Variants in SLC39A8 observed in about 807,000 individuals in gnomAD.
The protein encoded by SLC39A8 is solute carrier family 39 member 8, also known as metal cation symporter ZIP8.
Under a neutral mutation model 40.4 loss-of-function variants are expected in SLC39A8, and 15 were observed. The ratio of observed to expected loss-of-function variants is 0.37; its 90% CI spans 0.25 to 0.57. The LOEUF is 0.57. SLC39A8 is among the 20% of genes least tolerant of loss of function. The probability of loss-of-function intolerance (pLI) is 0.75; values close to 1 mark genes in which losing one functional copy is unlikely to be tolerated. For missense variants in SLC39A8, 472 were observed against 558.8 expected, an observed-to-expected ratio of 0.84 and a Z score of 1.57; for synonymous variants, 223 against 221.6, an observed-to-expected ratio of 1.01 and a Z score of -0.06.
downstream of SLC39A8, chr4:102,259,450 C>T (rs926420513): frequency 1.3e-6 from 2 of 1,536,482 alleles, no homozygotes; most frequent in Non-Finnish European, 1.8e-6. Context: ...CCTTGTTATT[C>T]TTACCGTATA....
In SLC39A8 at chr4:102,267,538, TATA is replaced by T; in HGVS notation, c.1182_1184del (p.Ile395del). On this transcript the variant is annotated inframe_deletion, in exon 8 of 9. Transcript: ENST00000356736. ...GGAACATGCCTCCAGCAAGTGCAAA[TATA>T]ATATTTGGAGCGAAATTGTTGCCCA... 1 of 1,613,790 alleles carries T rather than the reference TATA, an allele frequency of 6.2e-7. No individual in the cohort carries two copies. The highest frequency in any genetic ancestry group is 8.5e-7 in the Non-Finnish European group (1 of 1,179,912).
intron 8 of SLC39A8, among the ~76,000 whole-genome samples, chr4:102,263,529 G>T (rs2149001750): frequency 6.6e-6 from 1 of 152,326 alleles, no homozygotes; most frequent in African/African-American, 2.4e-5. Context: ...GTGGAGTCTT[G>T]ATTCCATCTT....
At chr4:102,276,994 T>C (rs910054098) in intron 6 of SLC39A8, among the ~76,000 whole-genome samples, 8 of 152,140 alleles carry the variant, frequency 5.3e-5, no homozygotes, top group African/African-American at 1.9e-4. Flanking sequence ...TATCTCACAA[T>C]AATAAGAACT....
chr4:102,315,304 G>C (rs538087767), intron 3 of SLC39A8, among the ~76,000 whole-genome samples: 11 of 152,070 alleles, frequency 7.2e-5, no homozygotes, highest in South Asian at 4.1e-4. Context: ...AAACTGACAA[G>C]CTTTAAAATA....
intron 4 of SLC39A8, 82 bp from the exon 5 acceptor site, chr4:102,305,193 C>T: frequency 1.4e-6 from 2 of 1,379,638 alleles, no homozygotes; most frequent in Non-Finnish European, 2.0e-6. Flanking sequence ...ATGCAATTCT[C>T]ACCAATGTTC....
chr4:102,326,840 T>C (rs556847291), intron 2 of SLC39A8, among the ~76,000 whole-genome samples: 72 of 152,250 alleles, frequency 4.7e-4, no homozygotes, highest in Non-Finnish European at 2.2e-4. Flanking sequence ...AACCTAATCG[T>C]ATCCAATACC....
rs35411892 is a variant in SLC39A8, at chr4:102,307,577, C to T, written c.411G>A (p.Thr137=). ...EVWGYGFLSV[T]IINLASLLGL... is the part of the protein sequence containing the mutation. ...CGAGGAGAGATGCCAGATTAATAAT[C>T]GTCACTGACAGGAATCCATATCCCC... Residue 137 remains threonine, a synonymous_variant, in exon 4 of 9, where the codon ACG becomes ACA. Transcript: ENST00000356736. 0.17 allele frequency: 278,719 copies of T among 1,612,374 alleles called. 24,564 individuals carry two copies. The highest frequency in any genetic ancestry group is 0.23 in the South Asian group (21,015 of 90,992).
chr4:102,317,606 T>A (rs17032516), intron 2 of SLC39A8, among the ~76,000 whole-genome samples: 15 of 152,132 alleles, frequency 9.9e-5, no homozygotes, highest in Non-Finnish European at 1.5e-4. Flanking sequence ...AATTGCTAGA[T>A]TCAAAAAGTA....
chr4:102,326,962 A>T (rs911119160), intron 2 of SLC39A8, among the ~76,000 whole-genome samples: 11 of 152,172 alleles, frequency 7.2e-5, no homozygotes, highest in African/African-American at 2.7e-4. Context: ...CACATACCAA[A>T]AAAACAAAAA....
chr4:102,292,995 T>C (rs999032923), intron 6 of SLC39A8, among the ~76,000 whole-genome samples: 1 of 152,068 alleles, frequency 6.6e-6, no homozygotes, highest in African/African-American at 2.4e-5. Flanking sequence ...CTGACTCAAG[T>C]ACTTTTGACA....
At chr4:102,257,023 A>T (rs1731724324), downstream of SLC39A8, among the ~76,000 whole-genome samples, 1 of 152,204 alleles carries the variant, frequency 6.6e-6, no homozygotes. Flanking sequence ...GCCCAGCAAC[A>T]GTTTTTTAGA....
chr4:102,338,673 T>C (rs1413507730), intron 2 of SLC39A8, among the ~76,000 whole-genome samples: 2 of 152,180 alleles, frequency 1.3e-5, no homozygotes, highest in African/African-American at 2.4e-5. Flanking sequence ...AGAGAAAGTA[T>C]GGTTTTCTAG....
intron 6 of SLC39A8, among the ~76,000 whole-genome samples, chr4:102,282,909 G>A (rs1251329190): frequency 6.6e-6 from 1 of 152,068 alleles, no homozygotes; most frequent in Non-Finnish European, 1.5e-5. Context: ...TGTATTTTTA[G>A]TAGAGACAGG....
At chr4:102,298,091 C>T (rs1166637107) in intron 6 of SLC39A8, among the ~76,000 whole-genome samples, 1 of 151,730 alleles carries the variant, frequency 6.6e-6, no homozygotes, top group African/African-American at 2.4e-5. Flanking sequence ...TGAGGTGAGA[C>T]AGCAGAGTTC....
At position 102,268,733 on chromosome 4, in the gene SLC39A8, C is replaced by T. The variant is rs192883717; in HGVS notation, c.841-654G>A. Among the ~76,000 whole-genome samples the T allele has an allele frequency of 2.7e-4, 41 of 152,296 alleles. 1 individual carries two copies. In the East Asian group the frequency reaches 7.5e-3, roughly 28 times the overall value. On this transcript the variant is annotated intron_variant, in intron 6 of 8. Coordinates refer to ENST00000356736, the MANE Select transcript of SLC39A8 (RefSeq NM_001135146.2). ...GCTTAATTATTTTCTTAACAAATTGCATGAAGTGTAAATGGAACAGGCTAG... is the reference window on the plus strand; with the variant it reads ...GCTTAATTATTTTCTTAACAAATTGTATGAAGTGTAAATGGAACAGGCTAG...
At chr4:102,337,708 G>A (rs906469861) in intron 2 of SLC39A8, among the ~76,000 whole-genome samples, 4 of 152,026 alleles carry the variant, frequency 2.6e-5, no homozygotes, top group African/African-American at 4.8e-5. Context: ...ATTCTAAACC[G>A]CCAGAAGAGA....
chr4:102,342,127 C>T (rs575733393), intron 2 of SLC39A8, among the ~76,000 whole-genome samples: 1 of 152,288 alleles, frequency 6.6e-6, no homozygotes, highest in South Asian at 2.1e-4. Flanking sequence ...CCATCACTTA[C>T]CAGCAAATCA....
chr4:102,262,553 A>G lies in SLC39A8; in HGVS notation c.*491T>C. 7.1e-6 allele frequency: 7 copies of G among 985,404 alleles called. No homozygotes were observed. The highest frequency in any genetic ancestry group is 7.2e-6 in the Non-Finnish European group (6 of 829,784). The allele number at this position is 985,404 out of a possible 1,614,324, so 61.0% of individuals were successfully genotyped here. A position where few individuals can be genotyped will look rare whatever the true frequency, so the allele number is the denominator to read the frequency against. Reference sequence around the variant, plus strand: ...TTTCTTTGGCTCCTTAAAGACTTGGAATAATTTATATTAGTGTTGCATACA... The same window carrying G: ...TTTCTTTGGCTCCTTAAAGACTTGGGATAATTTATATTAGTGTTGCATACA... On this transcript the variant is annotated 3_prime_UTR_variant, in exon 9 of 9. Coordinates refer to ENST00000356736, the MANE Select transcript of SLC39A8 (RefSeq NM_001135146.2).
intron 2 of SLC39A8, among the ~76,000 whole-genome samples, chr4:102,319,131 A>G (rs1734788480): frequency 6.6e-6 from 1 of 152,194 alleles, no homozygotes. Flanking sequence ...AAACCGTTTC[A>G]GCAAATAGTT....
Sources: gnomAD v4.1 joint callset for allele counts (sites outside exome capture counted in the v4.1 genomes callset) on GRCh38, gnomAD v4.1.1 for gene constraint, MANE v1.5 for transcripts, NCBI Gene and HGNC (gene_info 2026-07-23, HGNC 2026-07-21) for gene names.